The following LOC122539214 variants were observed in gnomAD, a reference collection of about 807,000 sequenced individuals.
chr19:52,650,818 C>T, the LOC122539214 span: 1 of 152,202 alleles, frequency 6.6e-6, no homozygotes, highest in South Asian at 2.1e-4. Flanking sequence ...GCGTGTAAGC[C>T]CAGAAGGATT....
the LOC122539214 span, among the ~76,000 whole-genome samples, chr19:52,673,513 C>CAT: frequency 1.3e-5 from 2 of 151,836 alleles, no homozygotes; most frequent in Non-Finnish European, 2.9e-5. Flanking sequence ...CACACACACA[C>CAT]ACACACAAAA....
At chr19:52,651,229 A>G in the LOC122539214 span, 1 of 152,370 alleles carries the variant, frequency 6.6e-6, no homozygotes, top group African/African-American at 2.4e-5. Context: ...GTTTACAGAA[A>G]TAGACCTGAA....
the LOC122539214 span, among the ~76,000 whole-genome samples, chr19:52,687,616 G>GTA: frequency 8.1e-3 from 128 of 15,822 alleles, 24 homozygotes; most frequent in Non-Finnish European, 0.011. Flanking sequence ...TATATAATGT[G>GTA]TATATATATA....
chr19:52,679,021 A>T, the LOC122539214 span, among the ~76,000 whole-genome samples: 1 of 152,112 alleles, frequency 6.6e-6, no homozygotes, highest in East Asian at 1.9e-4. Context: ...ATTTCATTCA[A>T]CCTCACAAGC....
the LOC122539214 span, among the ~76,000 whole-genome samples, chr19:52,680,512 T>C: frequency 1.3e-5 from 2 of 152,122 alleles, no homozygotes; most frequent in South Asian, 4.1e-4. Flanking sequence ...TAAGTACTAA[T>C]TTGATCAAAG....
At chr19:52,676,504 G>A in the LOC122539214 span, among the ~76,000 whole-genome samples, 2 of 151,186 alleles carry the variant, frequency 1.3e-5, no homozygotes, top group African/African-American at 4.9e-5. Context: ...AGGGAGGTGG[G>A]GGGCAGCCCC....
At chr19:52,680,126 A>T in the LOC122539214 span, among the ~76,000 whole-genome samples, 1 of 151,998 alleles carries the variant, frequency 6.6e-6, no homozygotes. Flanking sequence ...TTGTGGTAAG[A>T]AGAGATCACA....
chr19:52,661,742 A>T, the LOC122539214 span, among the ~76,000 whole-genome samples: 3 of 152,238 alleles, frequency 2.0e-5, no homozygotes, highest in East Asian at 5.8e-4. Flanking sequence ...ACAGCGAAGG[A>T]GCTAAAAGAA....
At chr19:52,674,349 C>T in the LOC122539214 span, 2 of 152,198 alleles carry the variant, frequency 1.3e-5, no homozygotes, top group Admixed American at 1.3e-4. Flanking sequence ...AAATTGAATG[C>T]TTTTCCTGTA....
chr19:52,681,591 G>C, the LOC122539214 span, among the ~76,000 whole-genome samples: 368 of 152,258 alleles, frequency 2.4e-3, 2 homozygotes, highest in African/African-American at 8.3e-3. Flanking sequence ...TGTACTTGGA[G>C]ACAAGTGCAT....
At chr19:52,669,660 G>C in the LOC122539214 span, among the ~76,000 whole-genome samples, 1 of 152,182 alleles carries the variant, frequency 6.6e-6, no homozygotes, top group Non-Finnish European at 1.5e-5. Context: ...GAACAACTCA[G>C]GGGTAAATGA....
the LOC122539214 span, among the ~76,000 whole-genome samples, chr19:52,659,654 GAGA>G: frequency 2.6e-3 from 385 of 149,278 alleles, 3 homozygotes; most frequent in Non-Finnish European, 4.0e-3. Context: ...AGAAGTGAGT[GAGA>G]AGAAGAAAGG....
At chr19:52,667,879 G>C in the LOC122539214 span, among the ~76,000 whole-genome samples, 1 of 152,276 alleles carries the variant, frequency 6.6e-6, no homozygotes, top group African/African-American at 2.4e-5. Context: ...ATATAAAGGT[G>C]AAATGTAGCT....
chr19:52,677,250 G>A, the LOC122539214 span, among the ~76,000 whole-genome samples: 4 of 151,266 alleles, frequency 2.6e-5, no homozygotes, highest in African/African-American at 9.7e-5. Flanking sequence ...AGACTGGGCT[G>A]GAAGTTGGTG....
chr19:52,688,716 C>G, the LOC122539214 span, among the ~76,000 whole-genome samples: 4 of 152,044 alleles, frequency 2.6e-5, no homozygotes, highest in Non-Finnish European at 5.9e-5. Context: ...CATCCTCTAT[C>G]TCTATATGGA....
chr19:52,655,524 G>GGCA, the LOC122539214 span: 1 of 1,444,028 alleles, frequency 6.9e-7, no homozygotes, highest in Non-Finnish European at 9.6e-7. Context: ...GATAGACAAG[G>GGCA]GCAGATTCCT....
chr19:52,653,113 C>T, the LOC122539214 span: 39 of 1,454,046 alleles, frequency 2.7e-5, no homozygotes, highest in South Asian at 3.5e-4. Context: ...GGATGAATTT[C>T]GAGCAAAGGT....
the LOC122539214 span, among the ~76,000 whole-genome samples, chr19:52,661,431 C>A: frequency 1.3e-5 from 2 of 152,252 alleles, no homozygotes; most frequent in Admixed American, 1.3e-4. Flanking sequence ...CAGAGCACAG[C>A]CCCCTCACCT....
chr19:52,671,380 A>G, the LOC122539214 span, among the ~76,000 whole-genome samples: 17 of 152,218 alleles, frequency 1.1e-4, no homozygotes, highest in African/African-American at 4.1e-4. Context: ...ATGTATTGTA[A>G]TATTAAATTC....
Sources: gnomAD v4.1 joint callset for allele counts (sites outside exome capture counted in the v4.1 genomes callset) on GRCh38, gnomAD v4.1.1 for gene constraint, MANE v1.5 for transcripts.